The following SPATA16 variants were observed in gnomAD, a reference collection of about 807,000 sequenced individuals.
SPATA16 encodes spermatogenesis-associated protein 16.
In SPATA16, 36 loss-of-function variants were observed where a neutral mutation model predicts 63.3. The observed-to-expected ratio is 0.57, with a 90% CI of 0.44 to 0.75. The LOEUF is 0.75. Among genes scored for constraint, SPATA16 ranks in the 30% least tolerant of loss-of-function variants. The pLI is 0.00. For synonymous variants in SPATA16, 203 were observed against 216.7 expected (o/e 0.94, Z 0.56); for missense variants, 646 against 679.3 (o/e 0.95, Z 0.54).
intron 3 of SPATA16, among the ~76,000 whole-genome samples, chr3:173,024,701 G>C (rs1191017287): frequency 6.6e-6 from 1 of 150,458 alleles, no homozygotes; most frequent in Non-Finnish European, 1.5e-5. Flanking sequence ...GTTGCTAGAG[G>C]TTTTATATTT....
At chr3:172,977,158 G>T in intron 4 of SPATA16, 106 bp from the exon 5 acceptor site, 1 of 916,074 alleles carries the variant, frequency 1.1e-6, no homozygotes, top group Non-Finnish European at 1.7e-6. Flanking sequence ...GATTTTTAAT[G>T]TATAAATTTG....
chr3:172,959,787 C>CATATATATATAT lies in SPATA16; in HGVS notation c.934-2975_934-2964dup, dbSNP rs66806016. 4.7e-3 allele frequency among the ~76,000 whole-genome samples: 640 copies of CATATATATATAT among 135,386 alleles called. 7 individuals carry two copies. The highest frequency in any genetic ancestry group is 0.013 in the African/African-American group (436 of 34,242). 88.8% of individuals were successfully genotyped at this position (135,386 alleles called of 152,430 possible). On this transcript the variant is annotated intron_variant, in intron 5 of 10. Transcript: ENST00000351008. Reference sequence around the variant, plus strand: ...GTTGTAAAGAAATAGAGTAATATAACATATATATATATATATATATATATA... The same window carrying CATATATATATAT: ...GTTGTAAAGAAATAGAGTAATATAACATATATATATATATATATATATATATATATATATATA...
chr3:172,927,080 C>T (rs1264306314), intron 6 of SPATA16, among the ~76,000 whole-genome samples: 1 of 151,762 alleles, frequency 6.6e-6, no homozygotes, highest in Non-Finnish European at 1.5e-5. Flanking sequence ...TTTTTAACAC[C>T]ATTCCCCTTT....
intron 5 of SPATA16, among the ~76,000 whole-genome samples, chr3:172,974,083 T>C (rs565463619): frequency 1.3e-5 from 2 of 152,330 alleles, no homozygotes; most frequent in South Asian, 4.1e-4. Context: ...ATGAAAAATG[T>C]TCCTAATGCA....
intron 4 of SPATA16, among the ~76,000 whole-genome samples, chr3:173,005,499 A>G (rs1734923313): frequency 6.6e-6 from 1 of 152,154 alleles, no homozygotes. Context: ...GGATCTAAGC[A>G]AAGAAAAAGT....
intron 2 of SPATA16, among the ~76,000 whole-genome samples, chr3:173,111,308 G>T (rs539447544): frequency 6.6e-6 from 1 of 152,264 alleles, no homozygotes; most frequent in South Asian, 2.1e-4. Flanking sequence ...TACTCAGGAG[G>T]CTGAGGCAGG....
chr3:173,107,867 T>A (rs1419170534), intron 2 of SPATA16, among the ~76,000 whole-genome samples: 8 of 152,174 alleles, frequency 5.3e-5, no homozygotes, highest in Admixed American at 5.2e-4. Context: ...AGAAATGTTT[T>A]GCAACATGAT....
At chr3:172,981,106 C>T (rs1365135797) in intron 4 of SPATA16, among the ~76,000 whole-genome samples, 1 of 152,166 alleles carries the variant, frequency 6.6e-6, no homozygotes, top group Non-Finnish European at 1.5e-5. Flanking sequence ...CTAGTGTACA[C>T]TCTCCCACTT....
intron 3 of SPATA16, among the ~76,000 whole-genome samples, chr3:173,031,252 G>A (rs866484195): frequency 6.8e-4 from 103 of 151,902 alleles, no homozygotes; most frequent in African/African-American, 2.3e-3. Context: ...CAGTTAAAAC[G>A]ACAACAAAAA....
intron 5 of SPATA16, among the ~76,000 whole-genome samples, chr3:172,962,253 C>CAAAAAAAAAAAAAAA: frequency 2.1e-5 from 1 of 47,710 alleles, no homozygotes; most frequent in Non-Finnish European, 3.6e-5. Context: ...GACTCTGTCT[C>CAAAAAAAAAAAAAAA]AAAAAAAAAA....
At chr3:173,083,159 A>G (rs756001692) in intron 2 of SPATA16, among the ~76,000 whole-genome samples, 1 of 152,092 alleles carries the variant, frequency 6.6e-6, no homozygotes, top group Non-Finnish European at 1.5e-5. Context: ...TTGGAAATAA[A>G]TAGCATAAAT....
intron 4 of SPATA16, among the ~76,000 whole-genome samples, chr3:172,986,783 T>C (rs1734469599): frequency 6.6e-6 from 1 of 152,106 alleles, no homozygotes; most frequent in African/African-American, 2.4e-5. Context: ...GTTCTGTGGT[T>C]GAGAGAGAGA....
chr3:173,051,413 A>G (rs550000407), intron 2 of SPATA16, among the ~76,000 whole-genome samples: 4 of 152,140 alleles, frequency 2.6e-5, no homozygotes, highest in South Asian at 2.1e-4. Context: ...CGTGTTAGCC[A>G]GGATGACCTC....
intron 5 of SPATA16, among the ~76,000 whole-genome samples, chr3:172,969,262 G>C (rs1378623905): frequency 6.6e-6 from 1 of 152,158 alleles, no homozygotes; most frequent in Non-Finnish European, 1.5e-5. Flanking sequence ...AATCTACTGG[G>C]AGGTAATCTA....
chr3:172,957,909 C>T (rs1733638588), intron 5 of SPATA16, among the ~76,000 whole-genome samples: 1 of 152,126 alleles, frequency 6.6e-6, no homozygotes, highest in South Asian at 2.1e-4. Context: ...ACTTCAAATG[C>T]CTCTATGATC....
intron 6 of SPATA16, among the ~76,000 whole-genome samples, chr3:172,941,584 G>C (rs1733148288): frequency 6.6e-6 from 1 of 152,142 alleles, no homozygotes; most frequent in Non-Finnish European, 1.5e-5. Context: ...CTGTTGAACT[G>C]TTATCTAAGA....
In SPATA16 at chr3:173,039,933, C is replaced by T. The variant is rs140903168; in HGVS notation, c.758+9016G>A. 3.1e-4 allele frequency among the ~76,000 whole-genome samples: 47 copies of T among 152,200 alleles called. No individual in the cohort carries two copies. In the East Asian group the frequency reaches 8.1e-3, roughly 26 times the overall value. ...ACAGAGTGTGATCCCTTTATCACAT[C>T]TTTTGCAATTTGGAAGGCTCCTCAG... On this transcript the variant is annotated intron_variant, in intron 3 of 10. Coordinates refer to ENST00000351008, the MANE Select transcript of SPATA16 (RefSeq NM_031955.6).
At chr3:173,042,414 G>A (rs907648696) in intron 3 of SPATA16, among the ~76,000 whole-genome samples, 3 of 151,998 alleles carry the variant, frequency 2.0e-5, no homozygotes, top group African/African-American at 7.2e-5. Context: ...GGTAGAGATG[G>A]GGTTTCACCA....
intron 3 of SPATA16, among the ~76,000 whole-genome samples, chr3:173,032,293 A>C (rs1373843144): frequency 6.6e-6 from 1 of 152,156 alleles, no homozygotes; most frequent in Non-Finnish European, 1.5e-5. Flanking sequence ...ATGACAAATA[A>C]TTTATGAAAT....
Sources: allele counts gnomAD v4.1 joint callset (sites outside exome capture counted in the v4.1 genomes callset), GRCh38; gene constraint gnomAD v4.1.1; transcripts MANE v1.5; gene names NCBI Gene and HGNC (gene_info 2026-07-23, HGNC 2026-07-21).